The following PCDH11X variants were observed in gnomAD, a reference collection of about 807,000 sequenced individuals.
The protein encoded by PCDH11X is protocadherin 11 X-linked, also known as protocadherin-11 X-linked.
In PCDH11X, 18 loss-of-function variants were observed where a neutral mutation model predicts 53.3. The ratio of observed to expected loss-of-function variants is 0.34; its 90% CI spans 0.23 to 0.50. The LOEUF is 0.50. Ranked by LOEUF, PCDH11X falls within the 20% of genes least tolerant of loss-of-function variation. The pLI is 0.98. For synonymous variants in PCDH11X, 279 were observed against 393.3 expected (o/e 0.71, Z 3.44); for missense variants, 570 against 1,032.4 (o/e 0.55, Z 6.14).
At chrX:92,445,454 A>G (rs2072620893) in intron 9 of PCDH11X, among the ~76,000 whole-genome samples, 1 of 105,697 alleles carries the variant, frequency 9.5e-6, no homozygotes, top group Non-Finnish European at 1.9e-5. Context: ...GAAAAAAAAA[A>G]TGATATAAAT....
chrX:92,565,095 AT>A (rs762072014), intron 10 of PCDH11X, among the ~76,000 whole-genome samples: 6 of 110,678 alleles, frequency 5.4e-5, no homozygotes, highest in South Asian at 3.8e-4. Flanking sequence ...AGTTAAAATA[AT>A]TTTTTTTAAA....
At chrX:92,356,490 A>G (rs1410489790) in intron 8 of PCDH11X, among the ~76,000 whole-genome samples, 2 of 75,424 alleles carry the variant, frequency 2.7e-5, no homozygotes, top group Admixed American at 1.4e-4. Flanking sequence ...TTGTAATAAT[A>G]AAATTAAAAA....
intron 6 of PCDH11X, among the ~76,000 whole-genome samples, chrX:92,001,164 C>T: frequency 9.0e-6 from 1 of 111,471 alleles, no homozygotes; most frequent in Non-Finnish European, 1.9e-5. Context: ...ACTATTCTCC[C>T]TGGTGATTGT....
intron 6 of PCDH11X, among the ~76,000 whole-genome samples, chrX:91,960,334 A>T (rs1252634323): frequency 2.7e-5 from 3 of 111,311 alleles, no homozygotes; most frequent in South Asian, 3.8e-4. Flanking sequence ...CATAAAAAAA[A>T]TCATTACCAA....
Position 92,262,286 on chromosome X carries a change from A to G in PCDH11X, c.3115-828A>G, listed in dbSNP as rs746295485. Among the ~76,000 whole-genome samples the G allele has an allele frequency of 7.2e-5, 8 of 111,652 alleles. No individual in the cohort carries two copies. In the East Asian group the frequency reaches 2.3e-3, roughly 31 times the overall value. On this transcript the variant is annotated intron_variant, in intron 7 of 10. Coordinates refer to ENST00000682573, the MANE Select transcript of PCDH11X (RefSeq NM_032968.5). ...AAGACTCTATAAGGAACTTTTGCAT[A>G]ACTGTAAAAAGAACAGGGAATTAAG...
At chrX:92,313,470 C>T (rs1412882479) in intron 8 of PCDH11X, among the ~76,000 whole-genome samples, 1 of 111,229 alleles carries the variant, frequency 9.0e-6, no homozygotes, top group Admixed American at 9.6e-5. Context: ...GTGGTCCTTA[C>T]ATTTGAATAT....
intron 10 of PCDH11X, among the ~76,000 whole-genome samples, chrX:92,508,962 T>C (rs1217617634): frequency 3.9e-5 from 4 of 102,481 alleles, no homozygotes; most frequent in African/African-American, 1.4e-4. Flanking sequence ...TCTGCAATTA[T>C]GATTGTTAAG....
intron 6 of PCDH11X, among the ~76,000 whole-genome samples, chrX:92,029,305 T>C (rs2063011627): frequency 9.0e-6 from 1 of 111,212 alleles, no homozygotes; most frequent in African/African-American, 3.3e-5. Context: ...TTGAACATAA[T>C]TAGCATTATT....
At chrX:92,417,820 A>T (rs866426428) in intron 9 of PCDH11X, among the ~76,000 whole-genome samples, 68 of 67,504 alleles carry the variant, frequency 1.0e-3, no homozygotes, top group African/African-American at 1.7e-3. Flanking sequence ...CTTTTCTTCC[A>T]TTTTTTTTTT....
chrX:91,875,151 T>G lies in PCDH11X; in HGVS notation c.541-1630T>G, dbSNP rs1939527524. ...TACCCTCCAGTACCTTTTTATCTCA[T>G]TCATCTCTGTCATAATGCTGCAAGT... On this transcript the variant is annotated intron_variant, in intron 5 of 10. Coordinates refer to ENST00000682573, the MANE Select transcript of PCDH11X (RefSeq NM_032968.5). 3.6e-5 allele frequency among the ~76,000 whole-genome samples: 4 copies of G among 110,830 alleles called. 1 individual carries two copies. The South Asian group carries it at 1.5e-3, about 42-fold the overall frequency.
At chrX:91,826,179 A>G (rs1231555042) in intron 4 of PCDH11X, among the ~76,000 whole-genome samples, 3 of 111,747 alleles carry the variant, frequency 2.7e-5, no homozygotes, top group Non-Finnish European at 5.6e-5. Flanking sequence ...GTAAGTATGA[A>G]GAATATTGCT....
intron 6 of PCDH11X, among the ~76,000 whole-genome samples, chrX:92,079,799 A>G (rs920930931): frequency 1.8e-5 from 2 of 111,230 alleles, no homozygotes; most frequent in African/African-American, 6.5e-5. Context: ...ACCCAGAAAT[A>G]TTATTATTTA....
chrX:92,561,268 C>A, intron 10 of PCDH11X, among the ~76,000 whole-genome samples: 1 of 108,092 alleles, frequency 9.3e-6, no homozygotes, highest in Middle Eastern at 4.9e-3. Flanking sequence ...AGCATCAACA[C>A]CACCCAAGAA....
In PCDH11X at chrX:92,620,522, A is replaced by T. The variant is rs772456482; in HGVS notation, c.*1582A>T. Reference sequence around the variant, plus strand: ...CAATATCTCCTATTGATTAACTTAGACATAGATTTTGTAATGTATAACTTG... The same window carrying T: ...CAATATCTCCTATTGATTAACTTAGTCATAGATTTTGTAATGTATAACTTG... On this transcript the variant is annotated 3_prime_UTR_variant, in exon 11 of 11. Coordinates refer to ENST00000682573, the MANE Select transcript of PCDH11X (RefSeq NM_032968.5). 9.1e-6 allele frequency: 1 copy of T among 109,653 alleles called. No homozygotes were observed. Among genetic ancestry groups the T allele is most frequent in the African/African-American group, 3.3e-5 (1 of 30,132 alleles). 9.0% of individuals were successfully genotyped at this position (109,653 alleles called of 1,213,427 possible).
At chrX:91,863,069 G>A (rs1284744587) in intron 5 of PCDH11X, among the ~76,000 whole-genome samples, 3 of 109,424 alleles carry the variant, frequency 2.7e-5, no homozygotes, top group African/African-American at 3.3e-5. Context: ...AAAAGAATGT[G>A]TATTCTGCAG....
intron 8 of PCDH11X, among the ~76,000 whole-genome samples, chrX:92,305,199 A>C (rs1204786359): frequency 9.0e-6 from 1 of 111,317 alleles, no homozygotes; most frequent in Non-Finnish European, 1.9e-5. Flanking sequence ...GACACAGCCT[A>C]AAAGCTGTTG....
intron 4 of PCDH11X, among the ~76,000 whole-genome samples, chrX:91,827,364 CA>C (rs1936959443): frequency 9.0e-6 from 1 of 111,351 alleles, no homozygotes; most frequent in Non-Finnish European, 1.9e-5. Context: ...AGACCTTTGT[CA>C]GATGCATAGT....
At chrX:92,342,323 C>T (rs1427475941) in intron 8 of PCDH11X, among the ~76,000 whole-genome samples, 1 of 109,936 alleles carries the variant, frequency 9.1e-6, no homozygotes, top group Non-Finnish European at 1.9e-5. Flanking sequence ...AAGAAAACTA[C>T]CATTCAACCT....
At chrX:91,951,704 A>G (rs770549479) in intron 6 of PCDH11X, among the ~76,000 whole-genome samples, 12 of 107,540 alleles carry the variant, frequency 1.1e-4, no homozygotes, top group African/African-American at 3.7e-4. Context: ...CATAATAAAC[A>G]TCACATAAAT....
Sources: gnomAD v4.1 joint callset for allele counts (sites outside exome capture counted in the v4.1 genomes callset) on GRCh38, gnomAD v4.1.1 for gene constraint, MANE v1.5 for transcripts, NCBI Gene and HGNC (gene_info 2026-07-23, HGNC 2026-07-21) for gene names.